MPI: variants seen among roughly 807,000 people sequenced by gnomAD.
MPI encodes mannose-6-phosphate isomerase.
A neutral mutation model predicts 40.1 loss-of-function variants in MPI; 33 were observed. The observed-to-expected ratio is 0.82, with a 90% confidence interval of 0.62 to 1.10. The LOEUF is 1.10. MPI is among the 50% of genes least tolerant of loss of function. The pLI is 0.00. For missense variants in MPI, 514 were observed against 524.1 expected (o/e 0.98, Z 0.19); for synonymous variants, 187 against 207.4 (o/e 0.90, Z 0.85).
rs1410955933 is a variant in MPI at position 74,897,891 on chromosome 15, T to G, written c.*161T>G. ...GAGGGAGCGTGAAGGTAGTGACTCC[T>G]GAACACACCCAGGTGGAACCATCTT... is the stretch of plus-strand genomic sequence containing the variant. On this transcript the variant is annotated 3_prime_UTR_variant, in exon 8 of 8. Transcript: ENST00000352410. The G allele has an allele frequency of 1.1e-5, 8 of 729,818 alleles. No homozygotes were observed. Among genetic ancestry groups the G allele is most frequent in the Non-Finnish European group, 1.9e-5 (8 of 413,508 alleles). 45.2% of individuals were successfully genotyped at this position (729,818 alleles called of 1,614,324 possible).
chr15:74,897,280 C>G (rs562216075), intron 7 of MPI, 61 bp downstream of exon 7: 2 of 1,582,026 alleles, frequency 1.3e-6, no homozygotes, highest in Non-Finnish European at 1.7e-6. Context: ...GCAAGGGTCA[C>G]GATGTGGAGG....
chr15:74,893,273 T>G lies in MPI; in HGVS notation c.623T>G (p.Val208Gly). The change falls in exon 5 of 8, where the codon GTG becomes GGG. Residue 208 changes from valine (V) to glycine (G), a missense_variant. Physicochemically the swap from Val to Gly is moderately radical, Grantham distance 109. Transcript: ENST00000352410. The stretch of plus-strand genomic sequence containing the variant: ...CACCTGATGAAGAGTGAGAAGAAGG[T>G]GGTGGTGGAACAGCTCAACCTGTTG... ...FSHLMKSEKK[V>G]VVEQLNLLVK... 1 of 1,614,056 alleles carries G rather than the reference T, an allele frequency of 6.2e-7. No homozygotes were observed. Among genetic ancestry groups the G allele is most frequent in the Non-Finnish European group, 8.5e-7 (1 of 1,179,988 alleles).
At position 74,901,780 on chromosome 15, in the gene MPI, A is replaced by T. The variant is rs2064969205; in HGVS notation, c.*4050A>T. 1 of 249,834 alleles carries T rather than the reference A, an allele frequency of 4.0e-6. No homozygotes were observed. Among genetic ancestry groups the T allele is most frequent in the Non-Finnish European group, 7.5e-6 (1 of 132,722 alleles). The allele number at this position is 249,834 out of a possible 1,614,324, so 15.5% of individuals were successfully genotyped here. A position where few individuals can be genotyped will look rare whatever the true frequency, so the allele number is the denominator to read the frequency against. ...TGTAGCTCCCTCTGCTGGTAATAAT[A>T]AAAACTGCAGGCTTCTGGGGCCAGC... On this transcript the variant is annotated 3_prime_UTR_variant, in exon 8 of 8. Transcript: ENST00000352410.
In MPI at chr15:74,890,079, C is replaced by T. The variant is rs149477499; in HGVS notation, c.6C>T (p.Ala2=). Reference sequence around the variant, plus strand: ...TCCTGGTGCAGGGGGCGAGCATGGCCGCTCCGCGAGGTGAGCCATTGGCTG... The same window carrying T: ...TCCTGGTGCAGGGGGCGAGCATGGCTGCTCCGCGAGGTGAGCCATTGGCTG... M[A]APRVFPLSCA... is the part of the protein sequence containing the mutation. The change falls in exon 1 of 8, where the codon GCC becomes GCT. Residue 2 remains alanine (A), a synonymous_variant. Transcript: ENST00000352410. 7 of 1,607,700 alleles carry T rather than the reference C, an allele frequency of 4.4e-6. No individual in the cohort carries two copies. In the East Asian group the frequency reaches 6.7e-5, roughly 15 times the overall value.
chr15:74,895,069 G>A (rs1457469412), intron 5 of MPI, among the ~76,000 whole-genome samples: 2 of 148,700 alleles, frequency 1.3e-5, no homozygotes, highest in East Asian at 2.1e-4. Flanking sequence ...GGGTTCAAGC[G>A]ATTCTCCTGT....
chr15:74,894,107 T>TGTGTGTGTGTGTGTGTGAGCCAG (rs1555478772), intron 5 of MPI, among the ~76,000 whole-genome samples: 8 of 60,944 alleles, frequency 1.3e-4, no homozygotes, highest in Non-Finnish European at 3.2e-4. Flanking sequence ...TGTGTGTGTG[T>TGTGTGTGTGTGTGTGTGAGCCAG]GGTCTCTTTC....
intron 7 of MPI, 88 bp from the exon 8 acceptor site, chr15:74,897,424 T>C: frequency 1.4e-6 from 2 of 1,401,438 alleles, no homozygotes; most frequent in Non-Finnish European, 2.0e-6. Flanking sequence ...GGCAGAGCTC[T>C]CCCTCGTGCC....
At chr15:74,895,293 T>C (rs2064802131) in intron 5 of MPI, 2 of 150,658 alleles carry the variant, frequency 1.3e-5, no homozygotes, top group Non-Finnish European at 1.5e-5. Context: ...GAACTTTCAG[T>C]GCTAAAAACT....
intron 5 of MPI, among the ~76,000 whole-genome samples, chr15:74,893,945 C>G (rs2064764453): frequency 7.0e-6 from 1 of 142,820 alleles, no homozygotes; most frequent in South Asian, 2.1e-4. Flanking sequence ...CTAGGTGGCC[C>G]AGAGCTCTCT....
intron 3 of MPI, 119 bp from the exon 4 acceptor site, chr15:74,892,542 G>A (rs2141199238): frequency 7.0e-7 from 1 of 1,418,846 alleles, no homozygotes; most frequent in South Asian, 1.2e-5. Flanking sequence ...CCAGAGGTAG[G>A]TAGTCACTGC....
intron 5 of MPI, among the ~76,000 whole-genome samples, chr15:74,894,035 G>GACCCAAGCATATTTTT (rs1555478709): frequency 4.4e-5 from 4 of 90,846 alleles, no homozygotes; most frequent in Non-Finnish European, 1.1e-4. Context: ...ATTTTTTTCT[G>GACCCAAGCATATTTTT]TTCAGTGTGT....
In MPI at chr15:74,893,208, C is replaced by A; in HGVS notation, c.558C>A (p.Asp186Glu). ...ACCTGAAGCAGACCATGAGCCATGA[C>A]TCCCAGGCTGTGGCCTCCTCTCTGC... Reference protein sequence around the residue: ...ATHLKQTMSHDSQAVASSLQS... With the variant: ...ATHLKQTMSHESQAVASSLQS... The change falls in exon 5 of 8, where the codon GAC becomes GAA. Residue 186 changes from aspartate to glutamate, a missense_variant. By Grantham distance (45) the Asp-to-Glu change is conservative. Coordinates refer to ENST00000352410, the MANE Select transcript of MPI (RefSeq NM_002435.3). 6.2e-7 allele frequency: 1 copy of A among 1,614,238 alleles called. No homozygotes were observed. Among genetic ancestry groups the A allele is most frequent in the Non-Finnish European group, 8.5e-7 (1 of 1,180,036 alleles).
Position 74,897,184 on chromosome 15 carries a change from C to G in MPI, c.1018C>G (p.Pro340Ala). ...QEDPYLSIYD[P>A]PVPDFTIMKT... ...AGACCCCTACCTCTCAATCTATGAC[C>G]CCCCTGTACCAGACTTCACCATTAT... The change falls in exon 7 of 8, where the codon CCC becomes GCC. Residue 340 changes from proline to alanine, a missense_variant. By Grantham distance (27) the Pro-to-Ala change is conservative (BLOSUM62 -1). Transcript: ENST00000352410. The G allele has an allele frequency of 6.2e-7, 1 of 1,614,140 alleles. No individual in the cohort carries two copies. The highest frequency in any genetic ancestry group is 8.5e-7 in the Non-Finnish European group (1 of 1,180,022).
rs905233208 is a variant in MPI, at chr15:74,897,544, G to A, written c.1086G>A (p.Leu362=). The A allele has an allele frequency of 2.9e-5, 46 of 1,613,942 alleles. No individual in the cohort carries two copies. The East Asian group carries it at 1.0e-3, about 36-fold the overall frequency. ...VPGSVTEYKV[L]ALDSASILLM... is the part of the protein sequence containing the mutation. ...GCTCTGTCACTGAATACAAGGTCTT[G>A]GCACTGGACTCTGCCAGCATCCTCC... The change falls in exon 8 of 8, where the codon TTG becomes TTA. Residue 362 remains leucine, a synonymous_variant. Coordinates refer to ENST00000352410, the MANE Select transcript of MPI (RefSeq NM_002435.3).
Position 74,898,050 on chromosome 15 carries a change from C to A in MPI, c.*320C>A, listed in dbSNP as rs1190021260. The A allele has an allele frequency of 2.4e-6, 1 of 421,530 alleles. No homozygotes were observed. The highest frequency in any genetic ancestry group is 4.5e-6 in the Non-Finnish European group (1 of 222,338). The allele number at this position is 421,530 out of a possible 1,614,324, so 26.1% of individuals were successfully genotyped here. On this transcript the variant is annotated 3_prime_UTR_variant, in exon 8 of 8. Coordinates refer to ENST00000352410, the MANE Select transcript of MPI (RefSeq NM_002435.3). ...TTAGGCTAGCTGTTAAATATGTGAC[C>A]CAGCATTAGCTCAGCATCTGTCAGA...
At chr15:74,891,167 T>A in intron 2 of MPI, 1 of 633,650 alleles carries the variant, frequency 1.6e-6, no homozygotes, top group Middle Eastern at 2.5e-4. Flanking sequence ...GTCCAAGTCT[T>A]CATAGATGGC....
chr15:74,890,965 T>C, intron 2 of MPI: 1 of 566,756 alleles, frequency 1.8e-6, no homozygotes, highest in South Asian at 1.6e-5. Flanking sequence ...AAAATATTTC[T>C]CCTGCCTATT....
Position 74,901,792 on chromosome 15 carries a change from C to T in MPI, c.*4062C>T, listed in dbSNP as rs1398314297. 3.7e-6 allele frequency: 1 copy of T among 268,314 alleles called. No individual in the cohort carries two copies. The highest frequency in any genetic ancestry group is 6.9e-6 in the Non-Finnish European group (1 of 144,782). The allele number at this position is 268,314 out of a possible 1,614,324, so 16.6% of individuals were successfully genotyped here. ...TGCTGGTAATAATAAAAACTGCAGG[C>T]TTCTGGGGCCAGCCCCAGTACCTTC... On this transcript the variant is annotated 3_prime_UTR_variant, in exon 8 of 8. Transcript: ENST00000352410.
Position 74,901,681 on chromosome 15 carries a change from C to A in MPI, c.*3951C>A, listed in dbSNP as rs1026040282. ...AGGACAAAGCCCACACAGCTGTATA[C>A]CCACTCTCACGAGTCCATTGCTACT... On this transcript the variant is annotated 3_prime_UTR_variant, in exon 8 of 8. Transcript: ENST00000352410. 6.5e-6 allele frequency: 1 copy of A among 154,600 alleles called. No homozygotes were observed. Among genetic ancestry groups the A allele is most frequent in the African/African-American group, 2.4e-5 (1 of 41,546 alleles). The allele number at this position is 154,600 out of a possible 1,614,324, so 9.6% of individuals were successfully genotyped here. A position where few individuals can be genotyped will look rare whatever the true frequency, so the allele number is the denominator to read the frequency against.
Sources: allele counts gnomAD v4.1 joint callset (sites outside exome capture counted in the v4.1 genomes callset), GRCh38; gene constraint gnomAD v4.1.1; transcripts MANE v1.5; gene names NCBI Gene and HGNC (gene_info 2026-07-23, HGNC 2026-07-21).